Variants in PTPRK observed in about 807,000 individuals in gnomAD.
The protein encoded by PTPRK is receptor-type tyrosine-protein phosphatase kappa.
In PTPRK, 75 loss-of-function variants were observed where a neutral mutation model predicts 178.0. The ratio of observed to expected loss-of-function variants is 0.42; its 90% CI spans 0.35 to 0.51. The LOEUF is 0.51. PTPRK is among the 20% of genes least tolerant of loss of function. PTPRK has a pLI of 0.02. For missense variants in PTPRK, 1,441 were observed against 1,797.8 expected (o/e 0.80, Z 3.59); for synonymous variants, 637 against 620.6 (o/e 1.03, Z -0.39).
intron 2 of PTPRK, among the ~76,000 whole-genome samples, chr6:128,395,609 A>G (rs1042550867): frequency 2.6e-5 from 4 of 152,194 alleles, no homozygotes; most frequent in African/African-American, 4.8e-5. Context: ...TTTAGTCTAA[A>G]TATACCACAG....
chr6:127,981,418 T>C (rs1279869849), intron 24 of PTPRK, 129 bp from the exon 25 acceptor site: 2 of 750,634 alleles, frequency 2.7e-6, no homozygotes, highest in Non-Finnish European at 4.2e-6. Flanking sequence ...CATTTGCTAC[T>C]ATGACAGGCT....
At chr6:128,019,409 TG>T (rs1314120282) in intron 13 of PTPRK, among the ~76,000 whole-genome samples, 1 of 152,000 alleles carries the variant, frequency 6.6e-6, no homozygotes, top group Non-Finnish European at 1.5e-5. Context: ...AAGGAAAAGC[TG>T]GGGAGATATA....
chr6:127,983,853 A>G (rs1423450487), intron 22 of PTPRK, among the ~76,000 whole-genome samples: 1 of 152,132 alleles, frequency 6.6e-6, no homozygotes, highest in Non-Finnish European at 1.5e-5. Flanking sequence ...TTAATTCCCA[A>G]AACTTTAAAC....
intron 2 of PTPRK, 126 bp downstream of exon 2, chr6:128,397,440 T>C: frequency 8.7e-7 from 1 of 1,146,364 alleles, no homozygotes; most frequent in South Asian, 1.7e-5. Context: ...CTCTTAGAAG[T>C]GATCCAGTAG....
intron 5 of PTPRK, among the ~76,000 whole-genome samples, chr6:128,221,510 C>A (rs757784950): frequency 2.8e-5 from 4 of 145,078 alleles, no homozygotes; most frequent in Non-Finnish European, 6.0e-5. Flanking sequence ...GGTGATAGAG[C>A]AAGATTCTGT....
At chr6:128,513,632 T>A (rs1398714735) in intron 1 of PTPRK, among the ~76,000 whole-genome samples, 1 of 152,212 alleles carries the variant, frequency 6.6e-6, no homozygotes, top group African/African-American at 2.4e-5. Flanking sequence ...CATGTGACAA[T>A]CTTTTTAAAC....
chr6:127,978,466 G>A (rs914380606), intron 25 of PTPRK, among the ~76,000 whole-genome samples: 1 of 152,026 alleles, frequency 6.6e-6, no homozygotes, highest in East Asian at 1.9e-4. Flanking sequence ...CTTCCCCTTC[G>A]GCCATAATTG....
At chr6:128,387,323 CTT>C (rs1838884796) in intron 2 of PTPRK, among the ~76,000 whole-genome samples, 1 of 152,120 alleles carries the variant, frequency 6.6e-6, no homozygotes. Flanking sequence ...TGAGAAAAGA[CTT>C]AACTTGTAGA....
At chr6:128,437,647 G>C (rs1368762797) in intron 1 of PTPRK, among the ~76,000 whole-genome samples, 1 of 152,206 alleles carries the variant, frequency 6.6e-6, no homozygotes, top group Non-Finnish European at 1.5e-5. Context: ...CTGACCCAAG[G>C]CAGGAGGAGA....
chr6:128,208,878 C>T (rs568809695), intron 6 of PTPRK, among the ~76,000 whole-genome samples: 1 of 152,226 alleles, frequency 6.6e-6, no homozygotes, highest in South Asian at 2.1e-4. Context: ...CGAAAGTTTA[C>T]AATTAAACTT....
chr6:128,227,334 T>G (rs973592269), intron 5 of PTPRK, among the ~76,000 whole-genome samples: 1 of 152,144 alleles, frequency 6.6e-6, no homozygotes, highest in African/African-American at 2.4e-5. Flanking sequence ...CCACCAGATC[T>G]GAGGGATTCT....
At chr6:127,979,372 C>G (rs144377054) in intron 25 of PTPRK, among the ~76,000 whole-genome samples, 86 of 152,338 alleles carry the variant, frequency 5.6e-4, no homozygotes, top group African/African-American at 2.0e-3. Context: ...GGCATCAATG[C>G]TTTTCTAAAT....
chr6:128,082,194 A>G (rs1055965710), intron 10 of PTPRK, among the ~76,000 whole-genome samples: 1 of 152,180 alleles, frequency 6.6e-6, no homozygotes. Context: ...GATTTTTAAT[A>G]AAGATTTAGT....
intron 13 of PTPRK, among the ~76,000 whole-genome samples, chr6:128,022,734 C>G (rs1773719507): frequency 6.6e-6 from 1 of 152,200 alleles, no homozygotes; most frequent in African/African-American, 2.4e-5. Context: ...CAAGTTATTC[C>G]TCTTCCATCT....
In PTPRK at chr6:128,035,469, A is replaced by G. The variant is rs1396840735; in HGVS notation, c.2195-26201T>C. On this transcript the variant is annotated intron_variant, in intron 13 of 29. Coordinates refer to ENST00000368226, the MANE Select transcript of PTPRK (RefSeq NM_002844.4). ...CAATGTCATCTGGACACAAAACGACAACATGGTAATGATACAATATAAGGC... is the reference window on the plus strand; with the variant it reads ...CAATGTCATCTGGACACAAAACGACGACATGGTAATGATACAATATAAGGC... 1.2e-4 allele frequency among the ~76,000 whole-genome samples: 19 copies of G among 152,342 alleles called. No homozygotes were observed. The South Asian group carries it at 3.7e-3, about 30-fold the overall frequency.
intron 3 of PTPRK, among the ~76,000 whole-genome samples, chr6:128,319,862 T>C (rs145881127): frequency 5.3e-5 from 8 of 152,302 alleles, no homozygotes; most frequent in Admixed American, 1.3e-4. Flanking sequence ...ATCTAAATGA[T>C]TAAATTGATA....
intron 22 of PTPRK, among the ~76,000 whole-genome samples, chr6:127,984,439 A>G (rs1479002600): frequency 6.6e-6 from 1 of 152,218 alleles, no homozygotes; most frequent in East Asian, 1.9e-4. Context: ...GGAAAACAAA[A>G]TAAGGATTTT....
chr6:128,442,978 T>G (rs533434714), intron 1 of PTPRK, among the ~76,000 whole-genome samples: 1 of 152,298 alleles, frequency 6.6e-6, no homozygotes, highest in South Asian at 2.1e-4. Flanking sequence ...CAAACATATG[T>G]GTACTTTCAT....
chr6:128,269,332 A>G (rs930546466), intron 3 of PTPRK, among the ~76,000 whole-genome samples: 3 of 151,958 alleles, frequency 2.0e-5, no homozygotes, highest in African/African-American at 4.8e-5. Flanking sequence ...TAAAATAAAG[A>G]CAATCCCAGC....
Sources: gnomAD v4.1 joint callset for allele counts (sites outside exome capture counted in the v4.1 genomes callset) on GRCh38, gnomAD v4.1.1 for gene constraint, MANE v1.5 for transcripts, NCBI Gene and HGNC (gene_info 2026-07-23, HGNC 2026-07-21) for gene names.